Variants in STK33 observed in about 807,000 individuals in gnomAD.
STK33 encodes serine/threonine-protein kinase 33.
A neutral mutation model predicts 58.0 loss-of-function variants in STK33; 52 were observed. That is an observed-to-expected ratio of 0.90 (90% CI 0.72 to 1.13). STK33 has a LOEUF of 1.13. Ranked by LOEUF, STK33 falls within the 50% of genes most tolerant of loss-of-function variation. The probability of loss-of-function intolerance (pLI) is 0.00; values close to 1 mark genes in which losing one functional copy is unlikely to be tolerated. For synonymous variants in STK33, 215 were observed against 200.1 expected (o/e 1.07, Z -0.63); for missense variants, 630 against 604.2 (o/e 1.04, Z -0.45).
intron 15 of STK33, among the ~76,000 whole-genome samples, chr11:8,405,028 C>A (rs1479707139): frequency 1.3e-5 from 2 of 152,120 alleles, no homozygotes; most frequent in East Asian, 3.9e-4. Context: ...GTCCCAGCTA[C>A]CCAGGAGGCT....
At chr11:8,529,774 G>A (rs953404272) in intron 1 of STK33, among the ~76,000 whole-genome samples, 4 of 152,124 alleles carry the variant, frequency 2.6e-5, no homozygotes, top group African/African-American at 4.8e-5. Flanking sequence ...AGCTGAGAAA[G>A]GCAAGGCAAT....
intron 1 of STK33, among the ~76,000 whole-genome samples, chr11:8,482,629 G>A (rs1345333102): frequency 2.0e-5 from 3 of 152,124 alleles, no homozygotes; most frequent in Non-Finnish European, 4.4e-5. Flanking sequence ...AGAGATACCA[G>A]GGTTTGAATT....
At chr11:8,457,707 A>G (rs1173876914) in intron 8 of STK33, among the ~76,000 whole-genome samples, 1 of 152,208 alleles carries the variant, frequency 6.6e-6, no homozygotes, top group Non-Finnish European at 1.5e-5. Context: ...GTATCATGTG[A>G]TAAGTGCTAA....
intron 9 of STK33, among the ~76,000 whole-genome samples, chr11:8,455,317 C>T (rs566151900): frequency 6.6e-6 from 1 of 152,240 alleles, no homozygotes; most frequent in East Asian, 1.9e-4. Context: ...TCTACAACAT[C>T]AACACACATT....
the STK33 span, among the ~76,000 whole-genome samples, chr11:8,355,025 G>A: frequency 2.0e-5 from 3 of 152,240 alleles, no homozygotes; most frequent in African/African-American, 4.8e-5. Context: ...TCCAGCTTCC[G>A]GGAGGAGGGG....
chr11:8,378,641 T>A, the STK33 span, among the ~76,000 whole-genome samples: 1 of 152,148 alleles, frequency 6.6e-6, no homozygotes, highest in East Asian at 1.9e-4. Flanking sequence ...TGGGTCCCTC[T>A]CACAACATGT....
the STK33 span, among the ~76,000 whole-genome samples, chr11:8,373,839 T>C: frequency 6.6e-6 from 1 of 152,150 alleles, no homozygotes; most frequent in East Asian, 1.9e-4. Context: ...TGCCTTTGAC[T>C]AGTGGTTCTC....
At chr11:8,355,074 C>T in the STK33 span, among the ~76,000 whole-genome samples, 14 of 152,362 alleles carry the variant, frequency 9.2e-5, 1 homozygote, top group African/African-American at 3.4e-4. Flanking sequence ...CTGCTAATTG[C>T]GGCTTCTGAG....
chr11:8,421,285 G>A (rs932412913), intron 14 of STK33, among the ~76,000 whole-genome samples: 2 of 152,054 alleles, frequency 1.3e-5, no homozygotes, highest in African/African-American at 4.8e-5. Flanking sequence ...TTTACTATAA[G>A]TCCCTGATTC....
intron 14 of STK33, among the ~76,000 whole-genome samples, chr11:8,420,848 T>A (rs7929310): frequency 0.19 from 29,094 of 151,756 alleles, 3,409 homozygotes; most frequent in African/African-American, 0.31. Flanking sequence ...ATAATTTTTT[T>A]AATTAGCTGG....
intron 1 of STK33, among the ~76,000 whole-genome samples, chr11:8,592,316 A>C (rs1464011336): frequency 6.6e-6 from 1 of 152,222 alleles, no homozygotes; most frequent in Non-Finnish European, 1.5e-5. Flanking sequence ...GTAAGAAAAA[A>C]CTAAGACTCC....
At chr11:8,552,380 C>G (rs919870088) in intron 1 of STK33, among the ~76,000 whole-genome samples, 1 of 152,116 alleles carries the variant, frequency 6.6e-6, no homozygotes, top group Non-Finnish European at 1.5e-5. Flanking sequence ...GCCAGAGGAT[C>G]TTCTATTCTG....
At chr11:8,420,359 A>G (rs1289379028) in intron 14 of STK33, among the ~76,000 whole-genome samples, 1 of 152,188 alleles carries the variant, frequency 6.6e-6, no homozygotes, top group Non-Finnish European at 1.5e-5. Flanking sequence ...TATAGTAACT[A>G]TGTGAGTAGA....
intron 1 of STK33, among the ~76,000 whole-genome samples, chr11:8,481,500 C>A (rs143543022): frequency 6.6e-6 from 1 of 152,138 alleles, no homozygotes; most frequent in Non-Finnish European, 1.5e-5. Flanking sequence ...CTTACAAATA[C>A]AATAAACAAG....
At chr11:8,367,780 GTA>G in the STK33 span, among the ~76,000 whole-genome samples, 1 of 152,166 alleles carries the variant, frequency 6.6e-6, no homozygotes, top group Non-Finnish European at 1.5e-5. Flanking sequence ...CTTGAAAATG[GTA>G]TAGTCGGGAT....
chr11:8,416,281 T>C (rs948759614), intron 14 of STK33, among the ~76,000 whole-genome samples: 3 of 152,112 alleles, frequency 2.0e-5, no homozygotes, highest in African/African-American at 7.2e-5. Context: ...AAAAAGATGC[T>C]CCCTCTGTCT....
intron 1 of STK33, among the ~76,000 whole-genome samples, chr11:8,512,100 A>T (rs1952376976): frequency 6.6e-6 from 1 of 152,190 alleles, no homozygotes; most frequent in African/African-American, 2.4e-5. Context: ...TTATGCTCAT[A>T]GATAAAACAG....
Position 8,552,287 on chromosome 11 carries a change from G to A in STK33, c.-466+41796C>T, listed in dbSNP as rs571199330. On this transcript the variant is annotated intron_variant, in intron 1 of 15. Coordinates refer to ENST00000687296, the MANE Select transcript of STK33 (RefSeq NM_001352389.2). ...TCCTGTGAGTCTATGGGGTTTCTCA[G>A]CTTCTCCTCCAAGTTCTGGTATATT... is the stretch of plus-strand genomic sequence containing the variant. 2.6e-5 allele frequency among the ~76,000 whole-genome samples: 4 copies of A among 152,252 alleles called. 1 individual carries two copies. The highest frequency in any genetic ancestry group is 4.1e-4 in the South Asian group (2 of 4,824).
intron 13 of STK33, 135 bp from the exon 14 acceptor site, chr11:8,435,714 A>G (rs540609820): frequency 1.6e-4 from 74 of 475,586 alleles, no homozygotes; most frequent in Non-Finnish European, 2.3e-4. Context: ...ATCAGTATAA[A>G]TGCCTAATAA....
Sources: gnomAD v4.1 joint callset for allele counts (sites outside exome capture counted in the v4.1 genomes callset) on GRCh38, gnomAD v4.1.1 for gene constraint, MANE v1.5 for transcripts, NCBI Gene and HGNC (gene_info 2026-07-23, HGNC 2026-07-21) for gene names.